ZFP14: variants seen among roughly 807,000 people sequenced by gnomAD.
The protein encoded by ZFP14 is zinc finger protein 14 homolog.
ZFP14 carries 22 observed loss-of-function variants against 54.5 expected under a neutral mutation model. That is an observed-to-expected ratio of 0.40 (90% CI 0.29 to 0.58). The LOEUF (loss-of-function observed/expected upper bound fraction) is 0.58. ZFP14 is among the 20% of genes least tolerant of loss of function. The pLI, the probability that ZFP14 is intolerant of heterozygous loss-of-function variation, is 0.39. For missense variants in ZFP14, 470 were observed against 637.8 expected, an observed-to-expected ratio of 0.74 and a Z score of 2.83; for synonymous variants, 159 against 204.0, an observed-to-expected ratio of 0.78 and a Z score of 1.88.
intron 3 of ZFP14, 54 bp from the exon 4 acceptor site, chr19:36,360,587 T>C: frequency 6.6e-7 from 1 of 1,513,414 alleles, no homozygotes; most frequent in Non-Finnish European, 9.0e-7. Context: ...TCTTTAGATT[T>C]AGATTTGGTT....
intron 4 of ZFP14, among the ~76,000 whole-genome samples, chr19:36,347,779 G>C (rs1486100118): frequency 1.3e-5 from 2 of 152,120 alleles, no homozygotes; most frequent in African/African-American, 4.8e-5. Flanking sequence ...AATGAAATCA[G>C]GCTGTGCGCA....
chr19:36,355,518 A>AT lies in ZFP14; in HGVS notation c.235+4916dup, dbSNP rs1373115512. Among the ~76,000 whole-genome samples, 844 of 133,674 alleles carry AT rather than the reference A, an allele frequency of 6.3e-3. 88 individuals are homozygous for AT. Among genetic ancestry groups the AT allele is most frequent in the African/African-American group, 0.02 (724 of 36,666 alleles). The allele number at this position is 133,674 out of a possible 152,430, so 87.7% of individuals were successfully genotyped here. A position where few individuals can be genotyped will look rare whatever the true frequency, so the allele number is the denominator to read the frequency against. On this transcript the variant is annotated intron_variant, in intron 4 of 4. Coordinates refer to ENST00000270001, the MANE Select transcript of ZFP14 (RefSeq NM_020917.3). ...TACAGGGAGATCTCTGTCTCTATAA[A>AT]TTTTTTTTTTTTTAAATAGCTAAGT...
At chr19:36,375,724 A>AT (rs1419236705) in intron 1 of ZFP14, among the ~76,000 whole-genome samples, 1 of 151,802 alleles carries the variant, frequency 6.6e-6, no homozygotes, top group Non-Finnish European at 1.5e-5. Context: ...TGCCCGGGTA[A>AT]TTTTTTGTAT....
intron 4 of ZFP14, among the ~76,000 whole-genome samples, chr19:36,359,932 A>T (rs1173373693): frequency 1.3e-5 from 2 of 152,154 alleles, no homozygotes; most frequent in Admixed American, 1.3e-4. Flanking sequence ...TGGGATTACC[A>T]GAGTGAGCCA....
chr19:36,352,881 C>T (rs1357529561), intron 4 of ZFP14, among the ~76,000 whole-genome samples: 2 of 138,474 alleles, frequency 1.4e-5, no homozygotes, highest in Admixed American at 1.5e-4. Context: ...GCGGAGCTTG[C>T]AGTGAGCCGA....
At chr19:36,349,763 A>G (rs1183324550) in intron 4 of ZFP14, among the ~76,000 whole-genome samples, 1 of 150,336 alleles carries the variant, frequency 6.7e-6, no homozygotes, top group Non-Finnish European at 1.5e-5. Flanking sequence ...AATCTAATGG[A>G]CAGCTTTAAC....
intron 4 of ZFP14, among the ~76,000 whole-genome samples, chr19:36,349,242 ACAAAAAAAAAAAAAC>A (rs1178798747): frequency 0.058 from 4,695 of 80,516 alleles, 797 homozygotes; most frequent in African/African-American, 0.17. Context: ...AAAAAAAAAA[ACAAAAAAAAAAAAAC>A]AAAAAAAAAA....
chr19:36,369,100 C>T (rs191981917), intron 1 of ZFP14, among the ~76,000 whole-genome samples: 16 of 152,294 alleles, frequency 1.1e-4, no homozygotes, highest in Non-Finnish European at 2.4e-4. Context: ...CCTCGGCCTC[C>T]CAAAGGGCTG....
chr19:36,363,621 A>G (rs975803575), intron 2 of ZFP14, among the ~76,000 whole-genome samples: 1 of 152,128 alleles, frequency 6.6e-6, no homozygotes, highest in African/African-American at 2.4e-5. Flanking sequence ...TCTAATGGGT[A>G]GAGGCCAGGG....
At chr19:36,373,491 A>G (rs541991341) in intron 1 of ZFP14, among the ~76,000 whole-genome samples, 1 of 152,240 alleles carries the variant, frequency 6.6e-6, no homozygotes, top group East Asian at 1.9e-4. Flanking sequence ...ATGGTGATAT[A>G]GTTAACAATA....
intron 2 of ZFP14, among the ~76,000 whole-genome samples, chr19:36,364,994 C>CTTTTTTTTT (rs398034482): frequency 2.7e-3 from 166 of 61,958 alleles, no homozygotes; most frequent in Non-Finnish European, 3.3e-3. Flanking sequence ...TTTTCTTTTT[C>CTTTTTTTTT]TTTTTTTTTT....
intron 4 of ZFP14, among the ~76,000 whole-genome samples, chr19:36,357,320 G>T (rs2031631952): frequency 6.6e-6 from 1 of 152,226 alleles, no homozygotes; most frequent in Non-Finnish European, 1.5e-5. Flanking sequence ...TAGGATTACA[G>T]ATGTAAGCCA....
intron 4 of ZFP14, among the ~76,000 whole-genome samples, chr19:36,355,199 C>T (rs560438175): frequency 7.0e-6 from 1 of 143,510 alleles, no homozygotes; most frequent in East Asian, 2.1e-4. Flanking sequence ...AAAGACATAT[C>T]AACCTAATCA....
intron 1 of ZFP14, among the ~76,000 whole-genome samples, chr19:36,371,535 T>C (rs1399293128): frequency 6.6e-6 from 1 of 151,876 alleles, no homozygotes; most frequent in African/African-American, 2.4e-5. Flanking sequence ...AATATACAGT[T>C]GGATGGAAAA....
chr19:36,362,001 A>C, intron 3 of ZFP14, 111 bp downstream of exon 3: 2 of 1,346,842 alleles, frequency 1.5e-6, no homozygotes, highest in Non-Finnish European at 2.0e-6. Context: ...AACCTGACAA[A>C]GCTTAAATCA....
At chr19:36,368,060 T>C (rs1166807968) in intron 1 of ZFP14, 89 bp from the exon 2 acceptor site, 5 of 694,678 alleles carry the variant, frequency 7.2e-6, no homozygotes, top group Middle Eastern at 2.6e-4. Context: ...TTTTTTCTCT[T>C]CCATTCCTTC....
chr19:36,377,845 CAA>C (rs2031987018), intron 1 of ZFP14, among the ~76,000 whole-genome samples: 1 of 151,218 alleles, frequency 6.6e-6, no homozygotes, highest in East Asian at 2.0e-4. Context: ...GACTCCATCT[CAA>C]AAAATACAAA....
chr19:36,349,678 A>ATATAT lies in ZFP14; in HGVS notation c.236-8089_236-8088insATATA, dbSNP rs754447231. On this transcript the variant is annotated intron_variant, in intron 4 of 4. Coordinates refer to ENST00000270001, the MANE Select transcript of ZFP14 (RefSeq NM_020917.3). ...CAAGACTCTGTCTCAAAACAAAAAA[A>ATATAT]AAATATATATATATATAATATATAT... is the stretch of plus-strand genomic sequence containing the variant. Among the ~76,000 whole-genome samples the ATATAT allele has an allele frequency of 3.6e-3, 531 of 145,638 alleles. 3 individuals are homozygous for ATATAT. The highest frequency in any genetic ancestry group is 7.8e-3 in the Admixed American group (113 of 14,486).
intron 3 of ZFP14, among the ~76,000 whole-genome samples, 199 bp from the exon 4 acceptor site, chr19:36,360,732 G>A (rs2031696831): frequency 6.6e-6 from 1 of 152,148 alleles, no homozygotes; most frequent in Admixed American, 6.6e-5. Flanking sequence ...GTTAAATTAA[G>A]TATACTAAGG....
Sources: allele counts gnomAD v4.1 joint callset (sites outside exome capture counted in the v4.1 genomes callset), GRCh38; gene constraint gnomAD v4.1.1; transcripts MANE v1.5; gene names NCBI Gene and HGNC (gene_info 2026-07-23, HGNC 2026-07-21).